ADAMTSL1: variants seen among roughly 807,000 people sequenced by gnomAD.
The protein encoded by ADAMTSL1 is ADAMTS like 1.
A neutral mutation model predicts 201.8 loss-of-function variants in ADAMTSL1; 126 were observed. The ratio of observed to expected loss-of-function variants is 0.62; its 90% confidence interval spans 0.54 to 0.72. The LOEUF (loss-of-function observed/expected upper bound fraction) is 0.72, where lower values mean the gene tolerates loss of function less well. Ranked by LOEUF, ADAMTSL1 falls within the 30% of genes least tolerant of loss-of-function variation. ADAMTSL1 has a pLI of 0.00. For synonymous variants in ADAMTSL1, 1,121 were observed against 903.4 expected (o/e 1.24, Z -4.32); for missense variants, 2,679 against 2,277.8 (o/e 1.18, Z -3.59).
At chr9:18,850,248 C>T (rs1039648893) in intron 23 of ADAMTSL1, among the ~76,000 whole-genome samples, 1 of 152,158 alleles carries the variant, frequency 6.6e-6, no homozygotes, top group Non-Finnish European at 1.5e-5. Context: ...CTGCCATGTC[C>T]AACAGGAATG....
At chr9:18,606,400 T>G (rs772978180) in intron 4 of ADAMTSL1, among the ~76,000 whole-genome samples, 1 of 152,144 alleles carries the variant, frequency 6.6e-6, no homozygotes, top group African/African-American at 2.4e-5. Flanking sequence ...GAAATATGAT[T>G]GAGATGTAGT....
intron 4 of ADAMTSL1, among the ~76,000 whole-genome samples, chr9:18,611,363 C>G (rs1316743198): frequency 6.6e-6 from 1 of 152,162 alleles, no homozygotes; most frequent in African/African-American, 2.4e-5. Context: ...AGAAGACAGC[C>G]TGCTAAAGAG....
intron 1 of ADAMTSL1, among the ~76,000 whole-genome samples, chr9:18,502,081 G>C (rs1822872302): frequency 6.6e-6 from 1 of 152,246 alleles, no homozygotes; most frequent in Non-Finnish European, 1.5e-5. Flanking sequence ...AGAACAGCCA[G>C]AGGGAAACTC....
At position 18,718,251 on chromosome 9, in the gene ADAMTSL1, A is replaced by T. The variant is rs1372158119; in HGVS notation, c.1877-3285A>T. The stretch of plus-strand genomic sequence containing the variant: ...AAGAATCTGTTCTCTCAAGTCTTGC[A>T]AATCATTAAATGTGGACTGTGCTTT... On this transcript the variant is annotated intron_variant, in intron 14 of 28. Coordinates refer to ENST00000380548, the MANE Select transcript of ADAMTSL1 (RefSeq NM_001040272.6). 3 of 758,518 alleles carry T rather than the reference A, an allele frequency of 4.0e-6. No individual in the cohort carries two copies. The African/African-American group carries it at 5.1e-5, about 13-fold the overall frequency. The allele number at this position is 758,518 out of a possible 1,614,324, so 47.0% of individuals were successfully genotyped here.
intron 2 of ADAMTSL1, among the ~76,000 whole-genome samples, chr9:18,466,846 G>A (rs955639121): frequency 1.3e-5 from 2 of 152,100 alleles, no homozygotes; most frequent in Admixed American, 6.5e-5. Flanking sequence ...AGACCATACA[G>A]TGATCTGTTG....
chr9:18,699,344 A>C (rs1223989257), intron 13 of ADAMTSL1, among the ~76,000 whole-genome samples: 1 of 123,794 alleles, frequency 8.1e-6, no homozygotes, highest in Non-Finnish European at 1.6e-5. Flanking sequence ...TTTTTTTGAG[A>C]GACTGGGTCT....
chr9:18,582,585 A>G (rs1197908416), intron 4 of ADAMTSL1, among the ~76,000 whole-genome samples: 10 of 152,134 alleles, frequency 6.6e-5, no homozygotes, highest in Admixed American at 2.0e-4. Context: ...GCAGTGGCTC[A>G]CACCTGTAAT....
intron 3 of ADAMTSL1, among the ~76,000 whole-genome samples, chr9:18,549,001 A>G (rs973251693): frequency 1.3e-5 from 2 of 151,996 alleles, no homozygotes; most frequent in Admixed American, 6.6e-5. Flanking sequence ...CTTAAGAGAT[A>G]CAGAGAGTGT....
At chr9:18,253,928 C>T (rs1168586804) in intron 2 of ADAMTSL1, among the ~76,000 whole-genome samples, 1 of 152,206 alleles carries the variant, frequency 6.6e-6, no homozygotes, top group East Asian at 1.9e-4. Flanking sequence ...TACAACTTTT[C>T]AAGCACATTG....
At chr9:18,069,684 A>G (rs1822869424) in intron 1 of ADAMTSL1, among the ~76,000 whole-genome samples, 1 of 152,132 alleles carries the variant, frequency 6.6e-6, no homozygotes, top group Non-Finnish European at 1.5e-5. Context: ...CTGTGATCTG[A>G]TTGGATTTAT....
chr9:18,338,314 C>T (rs1290602515), intron 2 of ADAMTSL1, among the ~76,000 whole-genome samples: 3 of 152,114 alleles, frequency 2.0e-5, no homozygotes, highest in Non-Finnish European at 4.4e-5. Flanking sequence ...TGAGCATCCA[C>T]CTTCGGCCCC....
Position 17,980,938 on chromosome 9 carries a change from G to C in ADAMTSL1, c.87+74016G>C, listed in dbSNP as rs530621293. On this transcript the variant is annotated intron_variant, in intron 1 of 29. Transcript: ENST00000680146. ...GTAGAGATCAAACTGGGGGAGAGAGGAGGGAAGTGCTGCACTCTTGACAAC... is the reference window on the plus strand; with the variant it reads ...GTAGAGATCAAACTGGGGGAGAGAGCAGGGAAGTGCTGCACTCTTGACAAC... Among the ~76,000 whole-genome samples the C allele has an allele frequency of 6.6e-5, 10 of 152,050 alleles. No homozygotes were observed. The East Asian group carries it at 1.9e-3, about 30-fold the overall frequency.
intron 2 of ADAMTSL1, among the ~76,000 whole-genome samples, chr9:18,357,741 T>C (rs549010280): frequency 1.2e-4 from 19 of 152,186 alleles, no homozygotes; most frequent in African/African-American, 4.3e-4. Flanking sequence ...AATATATATT[T>C]CATTTGTTTT....
chr9:18,731,830 T>A (rs1030284739), intron 15 of ADAMTSL1, among the ~76,000 whole-genome samples: 2 of 151,884 alleles, frequency 1.3e-5, no homozygotes, highest in South Asian at 4.2e-4. Context: ...TGACCAGATA[T>A]CACAAGAACT....
chr9:18,022,089 A>G (rs1408209364), intron 1 of ADAMTSL1, among the ~76,000 whole-genome samples: 2 of 152,046 alleles, frequency 1.3e-5, no homozygotes, highest in Non-Finnish European at 2.9e-5. Context: ...TTGCTCTCCT[A>G]ATACTCAGTG....
chr9:18,325,281 C>T (rs1324397766), intron 2 of ADAMTSL1, among the ~76,000 whole-genome samples: 2 of 152,206 alleles, frequency 1.3e-5, no homozygotes, highest in Non-Finnish European at 2.9e-5. Context: ...CACAAAAAGA[C>T]ATGCACAAAG....
intron 14 of ADAMTSL1, among the ~76,000 whole-genome samples, chr9:18,711,813 G>C (rs1292351877): frequency 1.3e-5 from 2 of 151,928 alleles, no homozygotes; most frequent in Non-Finnish European, 2.9e-5. Flanking sequence ...CAAACAAAAA[G>C]ACAGCAGTAA....
At chr9:18,179,113 A>T (rs1828324857) in intron 2 of ADAMTSL1, among the ~76,000 whole-genome samples, 1 of 152,150 alleles carries the variant, frequency 6.6e-6, no homozygotes, top group South Asian at 2.1e-4. Flanking sequence ...AAAGGCAAAG[A>T]CGTTGAAAAC....
chr9:17,936,017 G>C (rs987665442), intron 1 of ADAMTSL1, among the ~76,000 whole-genome samples: 3 of 152,116 alleles, frequency 2.0e-5, no homozygotes, highest in African/African-American at 7.2e-5. Flanking sequence ...ACTGGTCTTT[G>C]CTGTTCTTCT....
Sources: gnomAD v4.1 joint callset for allele counts (sites outside exome capture counted in the v4.1 genomes callset) on GRCh38, gnomAD v4.1.1 for gene constraint, MANE v1.5 for transcripts, NCBI Gene and HGNC (gene_info 2026-07-23, HGNC 2026-07-21) for gene names.